The following KLKB1 variants were observed in gnomAD, a reference collection of about 807,000 sequenced individuals.
KLKB1 encodes the protein kallikrein B1, also known as plasma kallikrein.
Under a neutral mutation model 73.6 loss-of-function variants are expected in KLKB1, and 58 were observed. The ratio of observed to expected loss-of-function variants is 0.79; its 90% CI spans 0.64 to 0.98. The LOEUF (loss-of-function observed/expected upper bound fraction) is 0.98, where lower values mean the gene tolerates loss of function less well. KLKB1 is among the 50% of genes least tolerant of loss of function. The pLI, the probability that KLKB1 is intolerant of heterozygous loss-of-function variation, is 0.00. For missense variants in KLKB1, 737 were observed against 763.8 expected, an observed-to-expected ratio of 0.96 and a Z score of 0.41; for synonymous variants, 280 against 258.1, an observed-to-expected ratio of 1.08 and a Z score of -0.81.
At chr4:186,240,335 A>G (rs1737960539) in intron 6 of KLKB1, among the ~76,000 whole-genome samples, 1 of 151,978 alleles carries the variant, frequency 6.6e-6, no homozygotes, top group South Asian at 2.1e-4. Context: ...TTACAGTTAT[A>G]GGTACAGTGA....
intron 4 of KLKB1, among the ~76,000 whole-genome samples, chr4:186,236,480 T>A (rs972612272): frequency 6.6e-6 from 1 of 152,226 alleles, no homozygotes; most frequent in African/African-American, 2.4e-5. Context: ...TATTTCCCAC[T>A]GCTCATTGAT....
At position 186,234,077 on chromosome 4, in the gene KLKB1, A is replaced by G. The variant is rs759209111; in HGVS notation, c.328+19A>G. 6.4e-7 allele frequency: 1 copy of G among 1,559,040 alleles called. No individual in the cohort carries two copies. Among genetic ancestry groups the G allele is most frequent in the Non-Finnish European group, 8.9e-7 (1 of 1,129,886 alleles). On this transcript the variant is annotated intron_variant, in intron 4 of 14. Coordinates refer to ENST00000264690, the MANE Select transcript of KLKB1 (RefSeq NM_000892.5). Reference sequence around the variant, plus strand: ...ATAAGTGGTAAGTTGTGAATTTCTTAGCTACATTTGAGTTAATATTGGATC... The same window carrying G: ...ATAAGTGGTAAGTTGTGAATTTCTTGGCTACATTTGAGTTAATATTGGATC...
chr4:186,214,988 A>G (rs4862665), intron 2 of KLKB1, among the ~76,000 whole-genome samples: 122,074 of 152,106 alleles, frequency 0.8, 50,395 homozygotes, highest in East Asian at 0.93. Flanking sequence ...GTTTGCATTT[A>G]TTGATCTCTG....
Position 186,227,588 on chromosome 4 carries a change from G to C in KLKB1, c.-2+1G>C, listed in dbSNP as rs954965096. 2 of 152,194 alleles carry C rather than the reference G, an allele frequency of 1.3e-5. No individual in the cohort carries two copies. Among genetic ancestry groups the C allele is most frequent in the Admixed American group, 1.3e-4 (2 of 15,276 alleles). The allele number at this position is 152,194 out of a possible 1,614,324, so 9.4% of individuals were successfully genotyped here. A position where few individuals can be genotyped will look rare whatever the true frequency, so the allele number is the denominator to read the frequency against. On this transcript the variant is annotated splice_donor_variant, in intron 1 of 14. Coordinates refer to ENST00000264690, the MANE Select transcript of KLKB1 (RefSeq NM_000892.5). LOFTEE classifies it low-confidence loss of function (5UTR_SPLICE). ...CTCCAAGAAGCAATTGTGTTTTCAGGTAGCAAATTTTTATTATTCTGATTG... is the reference window on the plus strand; with the variant it reads ...CTCCAAGAAGCAATTGTGTTTTCAGCTAGCAAATTTTTATTATTCTGATTG...
intron 2 of KLKB1, chr4:186,213,073 T>C (rs1736781528): frequency 6.6e-6 from 1 of 152,146 alleles, no homozygotes; most frequent in African/African-American, 2.4e-5. Context: ...TTAGTGACCC[T>C]ACATGACATT....
intron 6 of KLKB1, among the ~76,000 whole-genome samples, chr4:186,244,546 G>A (rs144276707): frequency 0.16 from 24,293 of 151,990 alleles, 2,230 homozygotes; most frequent in East Asian, 0.29. Context: ...AAGTGAAAGC[G>A]AAGAGAGGCT....
At chr4:186,212,150 T>G (rs1736744311) in intron 2 of KLKB1, 1 of 152,220 alleles carries the variant, frequency 6.6e-6, no homozygotes, top group African/African-American at 2.4e-5. Flanking sequence ...ATCTATACCC[T>G]TAAATCTCTC....
upstream of KLKB1, among the ~76,000 whole-genome samples, chr4:186,226,900 A>G (rs1217935667): frequency 6.6e-6 from 1 of 152,136 alleles, no homozygotes; most frequent in African/African-American, 2.4e-5. Context: ...GAGCTGGAGC[A>G]GGCCTGAAGT....
At chr4:186,231,441 A>C (rs1334798334) in intron 2 of KLKB1, among the ~76,000 whole-genome samples, 1 of 152,236 alleles carries the variant, frequency 6.6e-6, no homozygotes, top group African/African-American at 2.4e-5. Context: ...AATAGTTCAA[A>C]ATTTATTTTC....
At chr4:186,242,225 T>A (rs1443076687) in intron 6 of KLKB1, among the ~76,000 whole-genome samples, 1 of 152,186 alleles carries the variant, frequency 6.6e-6, no homozygotes, top group African/African-American at 2.4e-5. Context: ...CGTCATCAGT[T>A]AAGGCAGGAA....
chr4:186,216,869 G>A (rs149916094), intron 2 of KLKB1, among the ~76,000 whole-genome samples: 29 of 152,308 alleles, frequency 1.9e-4, no homozygotes, highest in African/African-American at 6.5e-4. Flanking sequence ...ATGGGCTCAT[G>A]TAATAAGATT....
intron 6 of KLKB1, among the ~76,000 whole-genome samples, chr4:186,248,595 A>ATTTTTTTTTTTTTT (rs138717531): frequency 1.7e-5 from 2 of 114,920 alleles, no homozygotes; most frequent in Admixed American, 9.3e-5. Context: ...TTGTTTCTGG[A>ATTTTTTTTTTTTTT]TTTTTTTTTT....
intron 2 of KLKB1, among the ~76,000 whole-genome samples, chr4:186,217,953 C>A (rs74866273): frequency 9.2e-5 from 14 of 152,320 alleles, no homozygotes; most frequent in East Asian, 3.9e-4. Flanking sequence ...TTCAGCCAAC[C>A]TTATCTGTAG....
intron 2 of KLKB1, among the ~76,000 whole-genome samples, chr4:186,229,930 A>G (rs908806170): frequency 3.3e-5 from 5 of 152,012 alleles, no homozygotes; most frequent in African/African-American, 1.2e-4. Flanking sequence ...TCTAGAAATA[A>G]GACTCTTATG....
intron 3 of KLKB1, 91 bp downstream of exon 3, chr4:186,232,380 C>G: frequency 8.2e-7 from 1 of 1,224,700 alleles, no homozygotes. Flanking sequence ...AGAGTTCTTC[C>G]TCACACGGGG....
upstream of KLKB1, among the ~76,000 whole-genome samples, chr4:186,223,468 G>A (rs958532008): frequency 1.3e-4 from 20 of 152,180 alleles, no homozygotes; most frequent in Middle Eastern, 3.2e-3. Context: ...AGATGGAGAC[G>A]AGAAACTATT....
At chr4:186,233,514 G>A (rs1737503081) in intron 3 of KLKB1, among the ~76,000 whole-genome samples, 1 of 152,160 alleles carries the variant, frequency 6.6e-6, no homozygotes, top group South Asian at 2.1e-4. Context: ...TAACATGAAG[G>A]TGGACATCTA....
chr4:186,238,137 C>A (rs1370397805), intron 5 of KLKB1, 119 bp from the exon 6 acceptor site: 4 of 739,052 alleles, frequency 5.4e-6, no homozygotes, highest in Non-Finnish European at 7.4e-6. Context: ...AGACCCCTAA[C>A]CCACTCATTA....
At chr4:186,246,306 A>G (rs1738347220) in intron 6 of KLKB1, among the ~76,000 whole-genome samples, 2 of 152,002 alleles carry the variant, frequency 1.3e-5, no homozygotes, top group Non-Finnish European at 2.9e-5. Context: ...GTTGGGATTG[A>G]GAGGACAGAT....
Sources: gnomAD v4.1 joint callset for allele counts (sites outside exome capture counted in the v4.1 genomes callset) on GRCh38, gnomAD v4.1.1 for gene constraint, MANE v1.5 for transcripts, NCBI Gene and HGNC (gene_info 2026-07-23, HGNC 2026-07-21) for gene names.